Variants in PLEKHA4 observed in about 807,000 individuals in gnomAD.
PLEKHA4 encodes pleckstrin homology domain-containing family A member 4.
A neutral mutation model predicts 94.7 loss-of-function variants in PLEKHA4; 73 were observed. That is an observed-to-expected ratio of 0.77 (90% CI 0.64 to 0.94). The LOEUF is 0.94. Among genes scored for constraint, PLEKHA4 ranks in the 40% least tolerant of loss-of-function variants. The pLI is 0.00. For synonymous variants in PLEKHA4, 449 were observed against 437.1 expected (o/e 1.03, Z -0.34); for missense variants, 1,049 against 1,054.1 (o/e 1.00, Z 0.07).
Position 48,868,295 on chromosome 19 carries a change from C to A in PLEKHA4, c.-219G>T, listed in dbSNP as rs2036901446. The A allele has an allele frequency of 6.6e-6, 1 of 152,304 alleles. No individual in the cohort carries two copies. Among genetic ancestry groups the A allele is most frequent in the Admixed American group, 6.6e-5 (1 of 15,258 alleles). 9.4% of individuals were successfully genotyped at this position (152,304 alleles called of 1,614,324 possible). A position where few individuals can be genotyped will look rare whatever the true frequency, so the allele number is the denominator to read the frequency against. ...TCCTTTTACACTACCTCTCTCCCCA[C>A]TCTCACTTTCTGTGTCTCCCTCTGA... is the stretch of plus-strand genomic sequence containing the variant. On this transcript the variant is annotated 5_prime_UTR_variant, in exon 1 of 20. Transcript: ENST00000263265.
rs1442797282 is a variant in PLEKHA4, at chr19:48,859,011, C to T, written c.821G>A (p.Ser274Asn). Reference protein sequence around the residue: ...APPARPHTPLSRIDVRPPLDW... With the variant: ...APPARPHTPLNRIDVRPPLDW... The stretch of plus-strand genomic sequence containing the variant: ...CAGAGGAGGTCGGACATCAATGCGA[C>T]TCAACGGGGTGTGAGGTCGGGCAGG... Residue 274 changes from serine (S) to asparagine (N), a missense_variant, in exon 8 of 20, where the codon AGT becomes AAT. Physicochemically the swap from Ser to Asn is conservative, Grantham distance 46. Coordinates refer to ENST00000263265, the MANE Select transcript of PLEKHA4 (RefSeq NM_020904.3). 3 of 1,568,794 alleles carry T rather than the reference C, an allele frequency of 1.9e-6. No homozygotes were observed. The highest frequency in any genetic ancestry group is 4.1e-5 in the Admixed American group (2 of 48,446).
rs375483473 is a variant in PLEKHA4 at position 48,837,475 on chromosome 19, G to A, written c.2154C>T (p.Thr718=). ...LPPSDPTRQE[T]PPPRSPPVAN... is the part of the protein sequence containing the mutation. ...CCACCGGGGGAGATCTGGGGGGAGG[G>A]GTCTCCTGGCGCGTGGGGTCCGAAG... The change falls in exon 20 of 20, where the codon ACC becomes ACT. Residue 718 remains threonine (T), a synonymous_variant. Transcript: ENST00000263265. The surrounding 1 kb of genome is among the most constrained non-coding windows in gnomAD (Gnocchi z 4.3). 1 of 1,613,070 alleles carries A rather than the reference G, an allele frequency of 6.2e-7. No homozygotes were observed. Among genetic ancestry groups the A allele is most frequent in the Non-Finnish European group, 8.5e-7 (1 of 1,179,604 alleles).
intron 12 of PLEKHA4, among the ~76,000 whole-genome samples, chr19:48,853,299 G>C (rs1310073305): frequency 6.6e-6 from 1 of 152,164 alleles, no homozygotes; most frequent in African/African-American, 2.4e-5. Flanking sequence ...GGGAGGCTGA[G>C]GCAGGCTGAT....
intron 13 of PLEKHA4, among the ~76,000 whole-genome samples, chr19:48,851,434 T>C (rs1268201894): frequency 6.7e-6 from 1 of 149,950 alleles, no homozygotes; most frequent in East Asian, 2.0e-4. Context: ...CTGACCAACA[T>C]AGAGAAACCC....
intron 6 of PLEKHA4, 127 bp downstream of exon 6, chr19:48,860,223 C>G (rs914793042): frequency 1.3e-6 from 1 of 762,064 alleles, no homozygotes; most frequent in Admixed American, 2.6e-5. Flanking sequence ...GCCTAGAAGA[C>G]GAGGCGCCTT....
At chr19:48,849,149 A>G (rs1599885004) in intron 13 of PLEKHA4, among the ~76,000 whole-genome samples, 2 of 152,002 alleles carry the variant, frequency 1.3e-5, no homozygotes, top group South Asian at 2.1e-4. Flanking sequence ...CAGGTGATCC[A>G]CCTGCCTCAT....
In PLEKHA4 at chr19:48,837,210, G is replaced by A; in HGVS notation, c.*79C>T. 6.2e-7 allele frequency: 1 copy of A among 1,600,728 alleles called. No individual in the cohort carries two copies. On this transcript the variant is annotated 3_prime_UTR_variant, in exon 20 of 20. Transcript: ENST00000263265. The surrounding 1 kb of genome is among the most constrained non-coding windows in gnomAD (Gnocchi z 4.3). ...TGGGGACCAGACCACGCCCCCTGAT[G>A]CCCTGAGTGGTCCCAGATCTCCGGC...
At chr19:48,852,407 G>A in intron 12 of PLEKHA4, 81 bp from the exon 13 acceptor site, 1 of 1,132,828 alleles carries the variant, frequency 8.8e-7, no homozygotes, top group African/African-American at 1.5e-5. Context: ...TGTCAGCTAA[G>A]GAGGAGATAA....
chr19:48,849,957 A>G (rs674498), intron 13 of PLEKHA4, among the ~76,000 whole-genome samples: 1 of 152,180 alleles, frequency 6.6e-6, no homozygotes, highest in Non-Finnish European at 1.5e-5. Context: ...TCATGCCTAT[A>G]ATCCCAGCAC....
Position 48,860,431 on chromosome 19 carries a change from A to G in PLEKHA4, c.395T>C (p.Val132Ala). 1 of 1,614,034 alleles carries G rather than the reference A, an allele frequency of 6.2e-7. No individual in the cohort carries two copies. The highest frequency in any genetic ancestry group is 8.5e-7 in the Non-Finnish European group (1 of 1,180,004). ...TAEHPGMRTY[V>A]LAADTLEDLR... Reference sequence around the variant, plus strand: ...GTCTTCTAAGGTGTCAGCGGCCAAAACGTAGGTCCTCATGCCCGGGTGCTC... The same window carrying G: ...GTCTTCTAAGGTGTCAGCGGCCAAAGCGTAGGTCCTCATGCCCGGGTGCTC... Residue 132 changes from valine to alanine, a missense_variant, in exon 6 of 20, where the codon GTT becomes GCT. By Grantham distance (64) the Val-to-Ala change is moderately conservative. Transcript: ENST00000263265.
intron 12 of PLEKHA4, among the ~76,000 whole-genome samples, chr19:48,852,585 T>C (rs1269177240): frequency 1.3e-5 from 2 of 152,064 alleles, no homozygotes; most frequent in Admixed American, 1.3e-4. Context: ...ACTTCTGCTC[T>C]CTCCTAGGTA....
At chr19:48,852,348 G>A in intron 12 of PLEKHA4, 22 bp from the exon 13 acceptor site, 2 of 1,584,070 alleles carry the variant, frequency 1.3e-6, no homozygotes, top group Non-Finnish European at 1.7e-6. Flanking sequence ...TAAAGGGGGA[G>A]ACATAGGTTA....
intron 16 of PLEKHA4, chr19:48,844,645 T>G (rs1217268471): frequency 1.7e-5 from 17 of 985,048 alleles, no homozygotes; most frequent in African/African-American, 1.4e-4. Context: ...CATTGATAGC[T>G]CCATGCTTCT....
chr19:48,855,222 G>A (rs1025853808), intron 9 of PLEKHA4, among the ~76,000 whole-genome samples: 1 of 151,658 alleles, frequency 6.6e-6, no homozygotes, highest in African/African-American at 2.4e-5. Context: ...AGCTTTGGGA[G>A]GCCAAAGAGG....
intron 3 of PLEKHA4, among the ~76,000 whole-genome samples, chr19:48,862,955 G>C (rs2036700346): frequency 6.6e-6 from 1 of 152,234 alleles, no homozygotes; most frequent in Non-Finnish European, 1.5e-5. Flanking sequence ...TTTAGCTGCA[G>C]AGACTTAGTC....
At position 48,861,763 on chromosome 19, in the gene PLEKHA4, G is replaced by A. The variant is rs1599928229; in HGVS notation, c.193-71C>T. Reference sequence around the variant, plus strand: ...AAAAGGGGATGAAGGCAGTGACGATGGGGACAGAGAGCCAGAGAGAGAAAG... The same window carrying A: ...AAAAGGGGATGAAGGCAGTGACGATAGGGACAGAGAGCCAGAGAGAGAAAG... On this transcript the variant is annotated intron_variant, in intron 3 of 19. Coordinates refer to ENST00000263265, the MANE Select transcript of PLEKHA4 (RefSeq NM_020904.3). The A allele has an allele frequency of 4.4e-6, 6 of 1,349,216 alleles. No individual in the cohort carries two copies. The East Asian group carries it at 9.5e-5, about 21-fold the overall frequency. 83.6% of individuals were successfully genotyped at this position (1,349,216 alleles called of 1,614,324 possible).
intron 2 of PLEKHA4, among the ~76,000 whole-genome samples, chr19:48,866,934 GA>G (rs1472481402): frequency 1.3e-5 from 2 of 152,136 alleles, no homozygotes; most frequent in East Asian, 3.8e-4. Context: ...GATGCCCACA[GA>G]TATCTCAGGC....
rs547076062 is a variant in PLEKHA4 at position 48,868,473 on chromosome 19, T to C, written c.-397A>G. On this transcript the variant is annotated 5_prime_UTR_variant, in exon 1 of 20. Coordinates refer to ENST00000263265, the MANE Select transcript of PLEKHA4 (RefSeq NM_020904.3). ...CTCTCTCTCTCTCTCTCTCTGTCTC[T>C]CAGTCATCCCCTGTGTCCTCTCTCC... The C allele has an allele frequency of 6.6e-6, 1 of 152,236 alleles. No individual in the cohort carries two copies. Among genetic ancestry groups the C allele is most frequent in the African/African-American group, 2.4e-5 (1 of 41,466 alleles). The allele number at this position is 152,236 out of a possible 1,614,324, so 9.4% of individuals were successfully genotyped here. A position where few individuals can be genotyped will look rare whatever the true frequency, so the allele number is the denominator to read the frequency against.
intron 2 of PLEKHA4, 59 bp from the exon 3 acceptor site, chr19:48,865,669 G>T: frequency 7.9e-7 from 1 of 1,261,704 alleles, no homozygotes. Context: ...CTGGGAGGGG[G>T]TGAGGGTGGA....
Sources: gnomAD v4.1 joint callset for allele counts (sites outside exome capture counted in the v4.1 genomes callset) on GRCh38, gnomAD v4.1.1 for gene constraint, Gnocchi (gnomAD v3.1) non-coding constraint, MANE v1.5 for transcripts, NCBI Gene and HGNC (gene_info 2026-07-23, HGNC 2026-07-21) for gene names.